CCDC134: variants seen among roughly 807,000 people sequenced by gnomAD.
The protein encoded by CCDC134 is coiled-coil domain containing 134.
Under a neutral mutation model 25.6 loss-of-function variants are expected in CCDC134, and 27 were observed. That is an observed-to-expected ratio of 1.05 (90% CI 0.78 to 1.45). The LOEUF (loss-of-function observed/expected upper bound fraction) is 1.45, where lower values mean the gene tolerates loss of function less well. CCDC134 is among the 40% of genes most tolerant of loss of function. CCDC134 has a pLI of 0.00. For synonymous variants in CCDC134, 110 were observed against 115.0 expected, an observed-to-expected ratio of 0.96 and a Z score of 0.28; for missense variants, 261 against 286.7, an observed-to-expected ratio of 0.91 and a Z score of 0.65.
chr22:41,827,465 A>G lies in CCDC134; in HGVS notation c.*1642A>G, dbSNP rs1335864048. On this transcript the variant is annotated 3_prime_UTR_variant, in exon 7 of 7. Transcript: ENST00000255784. The stretch of plus-strand genomic sequence containing the variant: ...GATGTCTTGAACAAAGAATTGGGCA[A>G]AATGCACAAAGCAAGGAAGGAATGA... Among the ~76,000 whole-genome samples, 2 of 152,218 alleles carry G rather than the reference A, an allele frequency of 1.3e-5. No homozygotes were observed. Among genetic ancestry groups the G allele is most frequent in the African/African-American group, 2.4e-5 (1 of 41,450 alleles).
In CCDC134 at chr22:41,813,453, CTG is replaced by C. The variant is rs762837401; in HGVS notation, c.492+9_492+10del. ...TCGCCCATCCTCAGCCTGGTAAGGA[CTG>C]GGGTGGAGGTGGCCCGGGAGCCCTC... On this transcript the variant is annotated intron_variant, in intron 5 of 6. Coordinates refer to ENST00000255784, the MANE Select transcript of CCDC134 (RefSeq NM_024821.5). 1 of 1,614,144 alleles carries C rather than the reference CTG, an allele frequency of 6.2e-7. No homozygotes were observed. Among genetic ancestry groups the C allele is most frequent in the African/African-American group, 1.3e-5 (1 of 75,058 alleles).
intron 5 of CCDC134, 122 bp from the exon 6 acceptor site, chr22:41,813,629 G>T: frequency 8.1e-7 from 1 of 1,233,358 alleles, no homozygotes. Context: ...GTTCCCATGG[G>T]ATCATCATGT....
chr22:41,813,570 GTA>G, intron 5 of CCDC134, 125 bp downstream of exon 5: 1 of 1,284,418 alleles, frequency 7.8e-7, no homozygotes, highest in Non-Finnish European at 1.1e-6. Context: ...GAGCTTCAGG[GTA>G]TCTTGGGCCA....
chr22:41,815,204 CTT>C (rs869174312), intron 6 of CCDC134, among the ~76,000 whole-genome samples: 3 of 122,120 alleles, frequency 2.5e-5, no homozygotes, highest in Non-Finnish European at 5.0e-5. Flanking sequence ...CTTTTCTTTT[CTT>C]TTTTTTTTTT....
chr22:41,823,393 T>G (rs986060910), intron 6 of CCDC134, among the ~76,000 whole-genome samples: 1 of 151,918 alleles, frequency 6.6e-6, no homozygotes, highest in African/African-American at 2.4e-5. Context: ...CCTGACTAAT[T>G]TTTGTATTTT....
rs1180300425 is a variant in CCDC134, at chr22:41,825,701, A to G, written c.568A>G (p.Ile190Val). 1.9e-6 allele frequency: 3 copies of G among 1,613,870 alleles called. No homozygotes were observed. The highest frequency in any genetic ancestry group is 8.5e-7 in the Non-Finnish European group (1 of 1,179,924). ...NPFKIDRTEF[I>V]PSTDPFQKAL... ...ACTGCTCTTCTCTTCCCTTCAGTTC[A>G]TTCCCAGCACTGACCCTTTCCAGAA... Residue 190 changes from isoleucine to valine, a missense_variant, in exon 7 of 7, where the codon ATT becomes GTT. By Grantham distance (29) the Ile-to-Val change is conservative. Transcript: ENST00000255784. The surrounding 1 kb of genome is among the most constrained non-coding windows in gnomAD (Gnocchi z 4.4).
intron 1 of CCDC134, among the ~76,000 whole-genome samples, chr22:41,807,392 C>T (rs986534495): frequency 1.3e-4 from 20 of 151,496 alleles, no homozygotes; most frequent in African/African-American, 4.6e-4. Context: ...GCAAAACCCA[C>T]GTCTAAGAAA....
At chr22:41,801,165 C>G (rs1240256287) in intron 1 of CCDC134, among the ~76,000 whole-genome samples, 1 of 152,240 alleles carries the variant, frequency 6.6e-6, no homozygotes, top group Admixed American at 6.5e-5. Flanking sequence ...TCATTGCCAG[C>G]TGTCTGGTAT....
At chr22:41,802,668 G>A (rs560463485) in intron 1 of CCDC134, among the ~76,000 whole-genome samples, 3 of 151,712 alleles carry the variant, frequency 2.0e-5, no homozygotes, top group Non-Finnish European at 2.9e-5. Context: ...TAATCCCAGC[G>A]CTTTGGGAGG....
intron 6 of CCDC134, among the ~76,000 whole-genome samples, chr22:41,821,276 G>A (rs1013493240): frequency 2.6e-5 from 4 of 151,968 alleles, no homozygotes; most frequent in Non-Finnish European, 4.4e-5. Context: ...GGAAGTGGAT[G>A]TGGCAAGTAT....
intron 6 of CCDC134, among the ~76,000 whole-genome samples, chr22:41,817,880 A>G (rs1396888758): frequency 1.3e-5 from 2 of 152,184 alleles, no homozygotes; most frequent in Non-Finnish European, 2.9e-5. Flanking sequence ...AAGGAGTGTC[A>G]TCCAAGCAAG....
chr22:41,816,895 C>CGACT (rs1235568996), intron 6 of CCDC134, among the ~76,000 whole-genome samples: 1 of 151,954 alleles, frequency 6.6e-6, no homozygotes, highest in Non-Finnish European at 1.5e-5. Context: ...TCCAGCCTGG[C>CGACT]GACTGAGTGA....
intron 2 of CCDC134, 29 bp from the exon 3 acceptor site, chr22:41,809,850 T>C (rs1317523654): frequency 6.2e-7 from 1 of 1,613,814 alleles, no homozygotes; most frequent in East Asian, 2.2e-5. Flanking sequence ...GGGCTATTGA[T>C]GCCAGCCCCT....
At chr22:41,809,041 A>G (rs780870361) in intron 2 of CCDC134, 48 bp downstream of exon 2, 1 of 1,474,604 alleles carries the variant, frequency 6.8e-7, no homozygotes, top group Non-Finnish European at 9.4e-7. Context: ...GAGGTCTATA[A>G]ATGAGGTTCT....
In CCDC134 at chr22:41,827,747, T is replaced by G. The variant is rs989736488; in HGVS notation, c.*1924T>G. On this transcript the variant is annotated 3_prime_UTR_variant, in exon 7 of 7. Transcript: ENST00000255784. Reference sequence around the variant, plus strand: ...CCTTATGTTCCCTGCCTCCAGACCCTATTTTCCTGCATCAACGGGAAAGGG... The same window carrying G: ...CCTTATGTTCCCTGCCTCCAGACCCGATTTTCCTGCATCAACGGGAAAGGG... 6.6e-6 allele frequency among the ~76,000 whole-genome samples: 1 copy of G among 152,220 alleles called. No individual in the cohort carries two copies. The highest frequency in any genetic ancestry group is 1.5e-5 in the Non-Finnish European group (1 of 68,040).
Position 41,825,900 on chromosome 22 carries a change from T to TG in CCDC134, c.*79dup. ...AGAAGAGGTGGAGGTGTGGTTGTGGTGGAGAGCACCAGCTAGCCCCTTCCA... is the reference window on the plus strand; with the variant it reads ...AGAAGAGGTGGAGGTGTGGTTGTGGTGGGAGAGCACCAGCTAGCCCCTTCCA... On this transcript the variant is annotated 3_prime_UTR_variant, in exon 7 of 7. Coordinates refer to ENST00000255784, the MANE Select transcript of CCDC134 (RefSeq NM_024821.5). The surrounding 1 kb of genome is among the most constrained non-coding windows in gnomAD (Gnocchi z 4.4). 1.9e-6 allele frequency: 3 copies of TG among 1,582,316 alleles called. No homozygotes were observed. Among genetic ancestry groups the TG allele is most frequent in the Non-Finnish European group, 2.6e-6 (3 of 1,161,346 alleles).
intron 1 of CCDC134, among the ~76,000 whole-genome samples, chr22:41,807,950 T>C (rs554951021): frequency 6.6e-6 from 1 of 152,002 alleles, no homozygotes; most frequent in Admixed American, 6.6e-5. Flanking sequence ...CACCTGAGGT[T>C]GGGAGTTCGA....
At chr22:41,806,719 G>T (rs1372625657) in intron 1 of CCDC134, among the ~76,000 whole-genome samples, 2 of 152,054 alleles carry the variant, frequency 1.3e-5, no homozygotes, top group Non-Finnish European at 2.9e-5. Flanking sequence ...CCAAGGTTAT[G>T]AGTTTCCATC....
chr22:41,808,801 G>T, intron 1 of CCDC134, 74 bp from the exon 2 acceptor site: 1 of 1,195,792 alleles, frequency 8.4e-7, no homozygotes, highest in Non-Finnish European at 1.2e-6. Context: ...GGAAGCTGCT[G>T]TTCACCTGTG....
Sources: gnomAD v4.1 joint callset for allele counts (sites outside exome capture counted in the v4.1 genomes callset) on GRCh38, gnomAD v4.1.1 for gene constraint, Gnocchi (gnomAD v3.1) non-coding constraint, MANE v1.5 for transcripts, NCBI Gene and HGNC (gene_info 2026-07-23, HGNC 2026-07-21) for gene names.